The following OXNAD1 variants were observed in gnomAD, a reference collection of about 807,000 sequenced individuals.
OXNAD1 encodes oxidoreductase NAD-binding domain-containing protein 1.
Under a neutral mutation model 32.9 loss-of-function variants are expected in OXNAD1, and 34 were observed. The observed-to-expected ratio is 1.03, with a 90% CI of 0.79 to 1.38. The LOEUF (loss-of-function observed/expected upper bound fraction) is 1.38, where lower values mean the gene tolerates loss of function less well. OXNAD1 is among the 40% of genes most tolerant of loss of function. The pLI, the probability that OXNAD1 is intolerant of heterozygous loss-of-function variation, is 0.00. For missense variants in OXNAD1, 407 were observed against 379.4 expected (o/e 1.07, Z -0.60); for synonymous variants, 134 against 135.2 (o/e 0.99, Z 0.06).
At position 16,317,272 on chromosome 3, in the gene OXNAD1, G is replaced by A. The variant is rs772401905; in HGVS notation, c.*30+13680G>A. ...GGATGGGGATAAATAACAAGCCTCC[G>A]GGAACCCAGAGCTTCACCCAAAGCC... On this transcript the variant is annotated intron_variant, in intron 9 of 9. Transcript: ENST00000435829. This position sits in a 1 kb window ranked among gnomAD's most constrained non-coding sequence, Gnocchi z 4.3. The A allele has an allele frequency of 8.6e-5, 138 of 1,599,232 alleles. 1 individual carries two copies. The South Asian group carries it at 1.2e-3, about 14-fold the overall frequency.
At chr3:16,347,248 C>T (rs1220775761) in intron 9 of OXNAD1, among the ~76,000 whole-genome samples, 2 of 152,224 alleles carry the variant, frequency 1.3e-5, no homozygotes, top group African/African-American at 2.4e-5. Context: ...CTGTCAAGGA[C>T]ACCCTACAGG....
chr3:16,301,668 T>A lies in OXNAD1; in HGVS notation c.475T>A (p.Phe159Ile). The A allele has an allele frequency of 1.9e-6, 3 of 1,612,498 alleles. No homozygotes were observed. The highest frequency in any genetic ancestry group is 2.5e-6 in the Non-Finnish European group (3 of 1,179,514). Residue 159 changes from phenylalanine (F) to isoleucine (I), a missense_variant, in exon 7 of 9, where the codon TTC becomes ATC. Coordinates refer to ENST00000285083, the MANE Select transcript of OXNAD1 (RefSeq NM_138381.5). This position sits in a 1 kb window ranked among gnomAD's most constrained non-coding sequence, Gnocchi z 4.1. ...CEVAVRVGGE[F>I]FFDPQPADAS... ...AGTGGCTGTGAGAGTGGGTGGAGAG[T>A]TCTTCTTTGACCCTCAGCCTGCGGA... is the stretch of plus-strand genomic sequence containing the variant.
intron 9 of OXNAD1, chr3:16,326,851 A>G: frequency 1.2e-6 from 2 of 1,614,088 alleles, no homozygotes; most frequent in Non-Finnish European, 1.7e-6. Flanking sequence ...CAGCAGGGGC[A>G]CGTAGTCTGT....
downstream of OXNAD1, among the ~76,000 whole-genome samples, chr3:16,351,977 T>C (rs1465377482): frequency 6.6e-6 from 1 of 152,188 alleles, no homozygotes; most frequent in Non-Finnish European, 1.5e-5. The surrounding 1 kb of genome is among the most constrained non-coding windows in gnomAD (Gnocchi z 5.4). Context: ...ACTTTGGGTG[T>C]GGTTTATATG....
rs1559794966 is a variant in OXNAD1, at chr3:16,316,987, C to G, written c.*30+13395C>G. 6 of 1,613,632 alleles carry G rather than the reference C, an allele frequency of 3.7e-6. No individual in the cohort carries two copies. Among genetic ancestry groups the G allele is most frequent in the Non-Finnish European group, 5.1e-6 (6 of 1,179,884 alleles). On this transcript the variant is annotated intron_variant, in intron 9 of 9. Coordinates refer to the OXNAD1 transcript ENST00000435829. This position sits in a 1 kb window ranked among gnomAD's most constrained non-coding sequence, Gnocchi z 4.5. ...CCTCACCCTCCACACCCACCCCACA[C>G]AGCAGGCCACCAGGGGACAGCTGTT...
At position 16,301,036 on chromosome 3, in the gene OXNAD1, A is replaced by G. The variant is rs2067145572; in HGVS notation, c.433-590A>G. Among the ~76,000 whole-genome samples the G allele has an allele frequency of 6.6e-6, 1 of 152,158 alleles. No homozygotes were observed. Among genetic ancestry groups the G allele is most frequent in the Non-Finnish European group, 1.5e-5 (1 of 68,020 alleles). ...TAGATAGGTCTATGTGATACTCCCTAGTATGAAGCCTCTGGCTGCCTGTTC... is the reference window on the plus strand; with the variant it reads ...TAGATAGGTCTATGTGATACTCCCTGGTATGAAGCCTCTGGCTGCCTGTTC... On this transcript the variant is annotated intron_variant, in intron 6 of 8. Transcript: ENST00000285083. This position sits in a 1 kb window ranked among gnomAD's most constrained non-coding sequence, Gnocchi z 4.1.
intron 9 of OXNAD1, among the ~76,000 whole-genome samples, chr3:16,318,954 A>C (rs1398801984): frequency 6.6e-6 from 1 of 152,190 alleles, no homozygotes; most frequent in African/African-American, 2.4e-5. Context: ...CCTGCCAGGC[A>C]GGCATCTCGA....
intron 4 of OXNAD1, among the ~76,000 whole-genome samples, chr3:16,272,787 T>C (rs959543921): frequency 1.3e-5 from 2 of 151,978 alleles, no homozygotes; most frequent in African/African-American, 4.8e-5. Context: ...CCAAAAATGC[T>C]GATTCTGTAA....
chr3:16,343,494 T>C (rs1173792618), intron 9 of OXNAD1, among the ~76,000 whole-genome samples: 2 of 152,226 alleles, frequency 1.3e-5, no homozygotes, highest in African/African-American at 4.8e-5. Flanking sequence ...CATTTCCAGG[T>C]GTCTCCCGCA....
chr3:16,316,967 C>T lies in OXNAD1; in HGVS notation c.*30+13375C>T, dbSNP rs558609173. The T allele has an allele frequency of 6.2e-7, 1 of 1,613,924 alleles. No homozygotes were observed. The highest frequency in any genetic ancestry group is 1.3e-5 in the African/African-American group (1 of 74,890). ...GGCAGGACCATTCTGCACAGCCTCA[C>T]CCTCCACACCCACCCCACACAGCAG... On this transcript the variant is annotated intron_variant, in intron 9 of 9. Coordinates refer to the OXNAD1 transcript ENST00000435829. This position sits in a 1 kb window ranked among gnomAD's most constrained non-coding sequence, Gnocchi z 4.5.
In OXNAD1 at chr3:16,334,173, A is replaced by G. The variant is rs1292250880; in HGVS notation, c.*31-2939A>G. On this transcript the variant is annotated intron_variant, in intron 9 of 9. Transcript: ENST00000435829. The surrounding 1 kb of genome is among the most constrained non-coding windows in gnomAD (Gnocchi z 4.3). ...GAGCAAGACTCTGTCTCAAAACAAA[A>G]ACAAAAACAAAAAACAACAACAAAA... is the stretch of plus-strand genomic sequence containing the variant. 6.6e-6 allele frequency among the ~76,000 whole-genome samples: 1 copy of G among 152,156 alleles called. No homozygotes were observed. The highest frequency in any genetic ancestry group is 1.5e-5 in the Non-Finnish European group (1 of 68,022).
Position 16,301,967 on chromosome 3 carries a change from A to C in OXNAD1, c.675+99A>C. On this transcript the variant is annotated intron_variant, in intron 7 of 8. Transcript: ENST00000285083. The surrounding 1 kb of genome is among the most constrained non-coding windows in gnomAD (Gnocchi z 4.1). Reference sequence around the variant, plus strand: ...GTTTTGTTTTCTCTGCAAAGGTTCAAACAAAAGGCTTGGCAAGATTTAATC... The same window carrying C: ...GTTTTGTTTTCTCTGCAAAGGTTCACACAAAAGGCTTGGCAAGATTTAATC... The C allele has an allele frequency of 6.9e-7, 1 of 1,451,264 alleles. No homozygotes were observed. The highest frequency in any genetic ancestry group is 9.3e-7 in the Non-Finnish European group (1 of 1,078,834). The allele number at this position is 1,451,264 out of a possible 1,614,324, so 89.9% of individuals were successfully genotyped here. A position where few individuals can be genotyped will look rare whatever the true frequency, so the allele number is the denominator to read the frequency against.
At position 16,334,258 on chromosome 3, in the gene OXNAD1, G is replaced by GC. The variant is rs1207683796; in HGVS notation, c.*31-2851dup. Among the ~76,000 whole-genome samples, 1 of 152,160 alleles carries GC rather than the reference G, an allele frequency of 6.6e-6. No individual in the cohort carries two copies. Among genetic ancestry groups the GC allele is most frequent in the Non-Finnish European group, 1.5e-5 (1 of 68,026 alleles). ...CTGGTAAAAACCCAAAAGTTAGGCA[G>GC]CCCGCTTTGTTGCCAAGGCCGTGGG... is the stretch of plus-strand genomic sequence containing the variant. On this transcript the variant is annotated intron_variant, in intron 9 of 9. Coordinates refer to the OXNAD1 transcript ENST00000435829. The surrounding 1 kb of genome is among the most constrained non-coding windows in gnomAD (Gnocchi z 4.3).
rs1233880903 is a variant in OXNAD1 at position 16,345,261 on chromosome 3, TG to T, written c.*31-3913del. 2 of 120,150 alleles carry T rather than the reference TG, an allele frequency of 1.7e-5. No individual in the cohort carries two copies. The highest frequency in any genetic ancestry group is 2.0e-4 in the Admixed American group (2 of 10,110). The allele number at this position is 120,150 out of a possible 1,614,324, so 7.4% of individuals were successfully genotyped here. A position where few individuals can be genotyped will look rare whatever the true frequency, so the allele number is the denominator to read the frequency against. On this transcript the variant is annotated intron_variant, in intron 9 of 9. Coordinates refer to the OXNAD1 transcript ENST00000606098. The surrounding 1 kb of genome is among the most constrained non-coding windows in gnomAD (Gnocchi z 5.2). ...CAGAAACTGTAAGATAATAAGTAGG[TG>T]GTTGTGTGTGTGTGTGTGTGTGTGT...
At chr3:16,294,264 G>T (rs753463055) in intron 5 of OXNAD1, among the ~76,000 whole-genome samples, 3 of 151,410 alleles carry the variant, frequency 2.0e-5, no homozygotes, top group East Asian at 1.9e-4. Flanking sequence ...GTGCAGTGGC[G>T]CAATCTTGGC....
rs949059425 is a variant in OXNAD1 at position 16,277,017 on chromosome 3, C to T, written c.183+5295C>T. Among the ~76,000 whole-genome samples the T allele has an allele frequency of 9.2e-5, 14 of 151,792 alleles. No individual in the cohort carries two copies. The East Asian group carries it at 1.4e-3, about 15-fold the overall frequency. ...TTGGCTCACTGCAACCTCTGCCTCC[C>T]GGGTTCAAGTGACTCTCCTGCCTCA... On this transcript the variant is annotated intron_variant, in intron 4 of 8. Transcript: ENST00000285083. This position sits in a 1 kb window ranked among gnomAD's most constrained non-coding sequence, Gnocchi z 4.3.
chr3:16,329,457 T>G lies in OXNAD1; in HGVS notation c.*31-7655T>G, dbSNP rs1344898559. 6.6e-6 allele frequency among the ~76,000 whole-genome samples: 1 copy of G among 152,156 alleles called. No homozygotes were observed. Among genetic ancestry groups the G allele is most frequent in the Non-Finnish European group, 1.5e-5 (1 of 68,020 alleles). ...GTTTACAGGTGGGGCCAGGAGAGAA[T>G]GCCATTCTGGTCCCTTCCCTGAAGC... On this transcript the variant is annotated intron_variant, in intron 9 of 9. Transcript: ENST00000435829. This position sits in a 1 kb window ranked among gnomAD's most constrained non-coding sequence, Gnocchi z 4.5.
rs567736082 is a variant in OXNAD1 at position 16,289,971 on chromosome 3, A to G, written c.290+3523A>G. Among the ~76,000 whole-genome samples, 34 of 152,332 alleles carry G rather than the reference A, an allele frequency of 2.2e-4. No individual in the cohort carries two copies. The South Asian group carries it at 2.9e-3, about 13-fold the overall frequency. On this transcript the variant is annotated intron_variant, in intron 5 of 8. Transcript: ENST00000285083. The surrounding 1 kb of genome is among the most constrained non-coding windows in gnomAD (Gnocchi z 4.9). Reference sequence around the variant, plus strand: ...CCAGCAAGTACCACAGTGCCTGTATATGGTAGGCAGGTGCTCTCTTAGATG... The same window carrying G: ...CCAGCAAGTACCACAGTGCCTGTATGTGGTAGGCAGGTGCTCTCTTAGATG...
chr3:16,351,224 G>A (rs1015642570), downstream of OXNAD1, among the ~76,000 whole-genome samples: 1 of 152,158 alleles, frequency 6.6e-6, no homozygotes, highest in African/African-American at 2.4e-5. This position sits in a 1 kb window ranked among gnomAD's most constrained non-coding sequence, Gnocchi z 5.4. Flanking sequence ...GTTAGTGTCA[G>A]GCACTGGTGG....
Sources: gnomAD v4.1 joint callset for allele counts (sites outside exome capture counted in the v4.1 genomes callset) on GRCh38, gnomAD v4.1.1 for gene constraint, Gnocchi (gnomAD v3.1) non-coding constraint, MANE v1.5 for transcripts, NCBI Gene and HGNC (gene_info 2026-07-23, HGNC 2026-07-21) for gene names.